The following FSTL5 variants were observed in gnomAD, a reference collection of about 807,000 sequenced individuals.
FSTL5 encodes the protein follistatin-related protein 5.
Under a neutral mutation model 89.1 loss-of-function variants are expected in FSTL5, and 62 were observed. The observed-to-expected ratio is 0.70, with a 90% CI of 0.57 to 0.86. The LOEUF (loss-of-function observed/expected upper bound fraction) is 0.86. FSTL5 is among the 40% of genes least tolerant of loss of function. The pLI, the probability that FSTL5 is intolerant of heterozygous loss-of-function variation, is 0.00. For synonymous variants in FSTL5, 383 were observed against 346.2 expected, an observed-to-expected ratio of 1.11 and a Z score of -1.18; for missense variants, 1,057 against 1,001.6, an observed-to-expected ratio of 1.06 and a Z score of -0.75.
chr4:161,400,816 T>C (rs1324967816), intron 15 of FSTL5, among the ~76,000 whole-genome samples: 4 of 152,230 alleles, frequency 2.6e-5, no homozygotes, highest in South Asian at 2.1e-4. Context: ...AACAATTCTA[T>C]GGTAAAATTG....
intron 4 of FSTL5, among the ~76,000 whole-genome samples, chr4:161,898,903 A>G (rs1012829868): frequency 6.6e-6 from 1 of 152,020 alleles, no homozygotes; most frequent in Admixed American, 6.6e-5. Context: ...TCCTGGGATT[A>G]CAAGCCTGAG....
At chr4:161,939,328 C>T (rs1212802338) in intron 3 of FSTL5, among the ~76,000 whole-genome samples, 11 of 151,778 alleles carry the variant, frequency 7.2e-5, no homozygotes, top group Admixed American at 7.2e-4. Context: ...CATATTTTTG[C>T]TTATATTATG....
intron 1 of FSTL5, among the ~76,000 whole-genome samples, chr4:162,119,959 A>G (rs1438910630): frequency 6.6e-6 from 1 of 152,162 alleles, no homozygotes; most frequent in East Asian, 1.9e-4. Context: ...TACACAGTAC[A>G]CTTTTTTTCT....
intron 8 of FSTL5, among the ~76,000 whole-genome samples, chr4:161,566,096 TGGACTATATA>T (rs1560956507): frequency 1.1e-5 from 1 of 87,224 alleles, no homozygotes; most frequent in African/African-American, 4.7e-5. Context: ...TCTTTTTTTT[TGGACTATATA>T]TATATATATA....
At chr4:161,541,408 C>A (rs566166341) in intron 9 of FSTL5, among the ~76,000 whole-genome samples, 41 of 152,108 alleles carry the variant, frequency 2.7e-4, no homozygotes, top group African/African-American at 9.9e-4. Context: ...GAGACAAAGT[C>A]AGAAGCTATT....
intron 1 of FSTL5, among the ~76,000 whole-genome samples, chr4:162,123,293 G>C (rs1435674414): frequency 6.6e-6 from 1 of 152,088 alleles, no homozygotes; most frequent in African/African-American, 2.4e-5. Flanking sequence ...ATTCATAGGG[G>C]TCAGCTAAGT....
intron 3 of FSTL5, among the ~76,000 whole-genome samples, chr4:161,945,153 C>CA (rs1044559947): frequency 6.6e-6 from 1 of 152,050 alleles, no homozygotes. Flanking sequence ...CTATCAGCCA[C>CA]AAAAAAGGAA....
At chr4:161,392,587 T>C (rs1267832838) in intron 15 of FSTL5, among the ~76,000 whole-genome samples, 1 of 152,160 alleles carries the variant, frequency 6.6e-6, no homozygotes, top group African/African-American at 2.4e-5. Context: ...CTCTAACTCT[T>C]TTTCAGGAGA....
intron 12 of FSTL5, among the ~76,000 whole-genome samples, chr4:161,485,069 A>G (rs1252881396): frequency 1.3e-5 from 2 of 152,240 alleles, no homozygotes; most frequent in Non-Finnish European, 2.9e-5. Context: ...AAGGTGTTGT[A>G]ACCCAACTAC....
chr4:162,160,743 AT>A (rs142684697), intron 1 of FSTL5, among the ~76,000 whole-genome samples: 4,475 of 151,380 alleles, frequency 0.03, 226 homozygotes, highest in African/African-American at 0.1. Context: ...AGGTATTTTT[AT>A]TTTTTTCAAA....
chr4:162,111,251 A>C lies in FSTL5; in HGVS notation c.126+20T>G, dbSNP rs199568916. 169 of 1,571,552 alleles carry C rather than the reference A, an allele frequency of 1.1e-4. No homozygotes were observed. The Middle Eastern group carries it at 2.9e-3, about 27-fold the overall frequency. ...TATAATTGGCAGGCACTATGAGCAG[A>C]TTCAGAATATTGACTGTACCTTATG... On this transcript the variant is annotated intron_variant, in intron 2 of 15. Coordinates refer to ENST00000306100, the MANE Select transcript of FSTL5 (RefSeq NM_020116.5).
intron 8 of FSTL5, among the ~76,000 whole-genome samples, chr4:161,561,373 G>A (rs1352117716): frequency 3.3e-5 from 5 of 152,024 alleles, no homozygotes; most frequent in African/African-American, 1.2e-4. Flanking sequence ...GTCAAAATGG[G>A]AAGATAAATG....
intron 3 of FSTL5, among the ~76,000 whole-genome samples, chr4:162,001,711 CTAAG>C (rs1225193504): frequency 6.6e-6 from 1 of 151,886 alleles, no homozygotes; most frequent in African/African-American, 2.4e-5. Flanking sequence ...AATGTTATTA[CTAAG>C]TGTTAGTGAC....
chr4:161,784,424 A>G (rs1741807557), intron 4 of FSTL5, among the ~76,000 whole-genome samples: 1 of 152,120 alleles, frequency 6.6e-6, no homozygotes, highest in Non-Finnish European at 1.5e-5. Context: ...TAACCAGATT[A>G]CAAAAAAGTA....
intron 6 of FSTL5, among the ~76,000 whole-genome samples, chr4:161,708,457 CA>C (rs1400369669): frequency 6.6e-6 from 1 of 151,924 alleles, no homozygotes; most frequent in African/African-American, 2.4e-5. Context: ...TAAAAATCCC[CA>C]AAAACTTGAA....
chr4:161,912,727 A>G (rs1327678196), intron 4 of FSTL5, among the ~76,000 whole-genome samples: 1 of 152,206 alleles, frequency 6.6e-6, no homozygotes, highest in East Asian at 1.9e-4. Context: ...TGACTTTGGA[A>G]CTGGGTAAGA....
intron 3 of FSTL5, among the ~76,000 whole-genome samples, chr4:161,928,219 G>A (rs185857605): frequency 2.7e-4 from 41 of 151,818 alleles, no homozygotes; most frequent in Middle Eastern, 3.4e-3. Context: ...ATTCCTCCTT[G>A]TCCATGTTTG....
At chr4:162,022,096 A>G (rs1022124125) in intron 3 of FSTL5, among the ~76,000 whole-genome samples, 4 of 145,916 alleles carry the variant, frequency 2.7e-5, no homozygotes, top group African/African-American at 7.7e-5. Flanking sequence ...GTCTCAGGGA[A>G]AAAAAAAAAA....
chr4:162,021,547 C>T (rs1189287754), intron 3 of FSTL5, among the ~76,000 whole-genome samples: 1 of 152,020 alleles, frequency 6.6e-6, no homozygotes, highest in Admixed American at 6.6e-5. Flanking sequence ...ACACACACAA[C>T]AAAAACACAA....
Sources: gnomAD v4.1 joint callset for allele counts (sites outside exome capture counted in the v4.1 genomes callset) on GRCh38, gnomAD v4.1.1 for gene constraint, MANE v1.5 for transcripts, NCBI Gene and HGNC (gene_info 2026-07-23, HGNC 2026-07-21) for gene names.